Variants in NLGN1 observed in about 807,000 individuals in gnomAD.
The protein encoded by NLGN1 is neuroligin 1.
Under a neutral mutation model 65.5 loss-of-function variants are expected in NLGN1, and 12 were observed. The observed-to-expected ratio is 0.18, with a 90% CI of 0.12 to 0.30. The LOEUF is 0.30. NLGN1 is among the 10% of genes least tolerant of loss of function. The probability of loss-of-function intolerance (pLI) is 1.00; values close to 1 mark genes in which losing one functional copy is unlikely to be tolerated. For synonymous variants in NLGN1, 350 were observed against 359.5 expected (o/e 0.97, Z 0.30); for missense variants, 750 against 1,007.1 (o/e 0.74, Z 3.46).
rs568164334 is a variant in NLGN1 at position 173,529,816 on chromosome 3, C to T, written c.-320-74463C>T. Among the ~76,000 whole-genome samples the T allele has an allele frequency of 5.9e-5, 9 of 152,044 alleles. No homozygotes were observed. In the East Asian group the frequency reaches 7.7e-4, roughly 13 times the overall value. ...AGGGGAGGATACCTTTCAGGATGTG[C>T]GTGAGGCTGGGTATTAGCTGTGGTG... On this transcript the variant is annotated intron_variant, in intron 2 of 6. Transcript: ENST00000457714.
chr3:173,943,506 T>C (rs2152313651), intron 4 of NLGN1, among the ~76,000 whole-genome samples: 1 of 152,290 alleles, frequency 6.6e-6, no homozygotes, highest in African/African-American at 2.4e-5. Flanking sequence ...GTGAATTACC[T>C]CTGAGCTGTT....
At chr3:174,018,154 T>C (rs925299076) in intron 4 of NLGN1, among the ~76,000 whole-genome samples, 1 of 152,178 alleles carries the variant, frequency 6.6e-6, no homozygotes, top group East Asian at 1.9e-4. Context: ...AAAAGAAATA[T>C]GGCTCTGTTC....
At chr3:174,276,008 A>G (rs1221417376) in intron 5 of NLGN1, among the ~76,000 whole-genome samples, 2 of 151,930 alleles carry the variant, frequency 1.3e-5, no homozygotes, top group Non-Finnish European at 2.9e-5. Context: ...TTGTTGTCTG[A>G]GTACAGAATG....
At chr3:173,542,520 A>G (rs1739065961) in intron 2 of NLGN1, among the ~76,000 whole-genome samples, 1 of 152,090 alleles carries the variant, frequency 6.6e-6, no homozygotes. Context: ...AGATTTGATT[A>G]TTAGTCTCTT....
At chr3:174,217,853 C>T (rs540910640) in intron 4 of NLGN1, among the ~76,000 whole-genome samples, 1 of 152,066 alleles carries the variant, frequency 6.6e-6, no homozygotes, top group African/African-American at 2.4e-5. Context: ...ATACATACAT[C>T]AGGCATTGGA....
chr3:173,583,647 G>T lies in NLGN1; in HGVS notation c.-320-20632G>T, dbSNP rs147145427. 2.5e-3 allele frequency among the ~76,000 whole-genome samples: 379 copies of T among 152,300 alleles called. 3 individuals are homozygous for T. Among genetic ancestry groups the T allele is most frequent in the African/African-American group, 8.5e-3 (354 of 41,554 alleles). ...CCTCAAAGTGTGATTAGAGCGCTTG[G>T]GAAAACAAAGTCCTGAAATTCCTTG... On this transcript the variant is annotated intron_variant, in intron 2 of 6. Transcript: ENST00000457714.
chr3:173,721,335 G>A (rs1578121226), intron 3 of NLGN1, among the ~76,000 whole-genome samples: 1 of 152,130 alleles, frequency 6.6e-6, no homozygotes, highest in South Asian at 2.1e-4. Context: ...TTTCTAATAT[G>A]CAAAAAGATA....
intron 4 of NLGN1, among the ~76,000 whole-genome samples, chr3:174,074,647 A>G (rs1259586528): frequency 6.6e-6 from 1 of 152,216 alleles, no homozygotes; most frequent in Admixed American, 6.5e-5. Context: ...TCAAATTTGA[A>G]GGCAGAGAAT....
chr3:174,073,770 G>A (rs1336073166), intron 4 of NLGN1, among the ~76,000 whole-genome samples: 6 of 152,164 alleles, frequency 3.9e-5, no homozygotes, highest in African/African-American at 1.4e-4. Flanking sequence ...TGAATCATAT[G>A]TCTGATTATC....
At chr3:173,990,078 G>A (rs1435052967) in intron 4 of NLGN1, among the ~76,000 whole-genome samples, 1 of 152,156 alleles carries the variant, frequency 6.6e-6, no homozygotes, top group Non-Finnish European at 1.5e-5. Context: ...GCCTTAGTAA[G>A]CAAGAAGTGG....
chr3:173,890,275 C>A (rs551936017), intron 4 of NLGN1, among the ~76,000 whole-genome samples: 3 of 152,218 alleles, frequency 2.0e-5, no homozygotes, highest in Admixed American at 6.6e-5. Context: ...TAGGACCTGT[C>A]CCTTCAGTTG....
chr3:173,809,103 G>GT (rs35128389), intron 4 of NLGN1, among the ~76,000 whole-genome samples: 105,244 of 151,880 alleles, frequency 0.69, 37,181 homozygotes, highest in Non-Finnish European at 0.75. Context: ...GATGCACTGC[G>GT]TAAGTGTAGG....
chr3:174,275,813 A>G (rs1002495792), intron 5 of NLGN1, among the ~76,000 whole-genome samples: 1 of 151,978 alleles, frequency 6.6e-6, no homozygotes, highest in African/African-American at 2.4e-5. Context: ...AGAAAAAATC[A>G]GACAAAGACG....
At chr3:174,102,951 A>G (rs1712884498) in intron 4 of NLGN1, among the ~76,000 whole-genome samples, 1 of 152,206 alleles carries the variant, frequency 6.6e-6, no homozygotes, top group East Asian at 1.9e-4. Flanking sequence ...TCCGACTTGA[A>G]GTAAATGAAG....
At chr3:173,825,334 T>C (rs1721125487) in intron 4 of NLGN1, among the ~76,000 whole-genome samples, 1 of 151,856 alleles carries the variant, frequency 6.6e-6, no homozygotes, top group Admixed American at 6.6e-5. Context: ...GGCATGGCAA[T>C]AATGACCAAT....
chr3:174,266,240 A>G (rs1466318741), intron 4 of NLGN1, among the ~76,000 whole-genome samples: 1 of 151,954 alleles, frequency 6.6e-6, no homozygotes, highest in East Asian at 1.9e-4. Context: ...CCTGGTGTCT[A>G]TAGTTCCCTT....
intron 4 of NLGN1, among the ~76,000 whole-genome samples, chr3:173,977,183 A>T (rs577426820): frequency 6.6e-6 from 1 of 152,090 alleles, no homozygotes; most frequent in Admixed American, 6.6e-5. Flanking sequence ...TATTCATCCT[A>T]TGTGAACCTA....
chr3:174,030,180 C>T (rs1729689363), intron 4 of NLGN1, among the ~76,000 whole-genome samples: 1 of 141,728 alleles, frequency 7.1e-6, no homozygotes, highest in Non-Finnish European at 1.5e-5. Flanking sequence ...GGCTGGAGTG[C>T]AATGGCACAA....
chr3:173,680,182 G>A (rs1264122026), intron 3 of NLGN1, among the ~76,000 whole-genome samples: 2 of 152,060 alleles, frequency 1.3e-5, no homozygotes, highest in Non-Finnish European at 2.9e-5. Context: ...TTCTTAGCGG[G>A]GTAGTGGTAT....
Sources: allele counts gnomAD v4.1 joint callset (sites outside exome capture counted in the v4.1 genomes callset), GRCh38; gene constraint gnomAD v4.1.1; transcripts MANE v1.5; gene names NCBI Gene and HGNC (gene_info 2026-07-23, HGNC 2026-07-21).